The following TRPC5 variants were observed in gnomAD, a reference collection of about 807,000 sequenced individuals.
TRPC5 encodes short transient receptor potential channel 5.
Under a neutral mutation model 56.5 loss-of-function variants are expected in TRPC5, and 9 were observed. The ratio of observed to expected loss-of-function variants is 0.16; its 90% CI spans 0.10 to 0.28. TRPC5 has a LOEUF of 0.28. TRPC5 is among the 10% of genes least tolerant of loss of function. The pLI is 1.00. For missense variants in TRPC5, 469 were observed against 748.9 expected, an observed-to-expected ratio of 0.63 and a Z score of 4.36; for synonymous variants, 282 against 278.5, an observed-to-expected ratio of 1.01 and a Z score of -0.13.
At chrX:111,963,129 T>A (rs182777418) in intron 1 of TRPC5, among the ~76,000 whole-genome samples, 4 of 112,363 alleles carry the variant, frequency 3.6e-5, no homozygotes, top group Admixed American at 1.9e-4. Context: ...CCCACCCTAA[T>A]ACTGCGCTTT....
chrX:111,888,736 A>G (rs1924658590), intron 3 of TRPC5, among the ~76,000 whole-genome samples: 1 of 107,691 alleles, frequency 9.3e-6, no homozygotes, highest in African/African-American at 3.4e-5. Flanking sequence ...AAAGAAAAGA[A>G]AAGAGACTGT....
chrX:112,028,815 T>A (rs370378400), intron 1 of TRPC5, among the ~76,000 whole-genome samples: 8 of 111,986 alleles, frequency 7.1e-5, no homozygotes, highest in African/African-American at 2.6e-4. Flanking sequence ...TGGGTCAAAT[T>A]GTATTTCTAG....
intron 7 of TRPC5, among the ~76,000 whole-genome samples, chrX:111,826,094 T>C (rs1271892495): frequency 1.8e-5 from 2 of 112,328 alleles, no homozygotes; most frequent in Admixed American, 9.4e-5. Flanking sequence ...AGAGGTCAAG[T>C]TGCCGAAAAC....
At chrX:111,861,269 A>G (rs1923397197) in intron 3 of TRPC5, among the ~76,000 whole-genome samples, 1 of 112,006 alleles carries the variant, frequency 8.9e-6, no homozygotes, top group African/African-American at 3.2e-5. Flanking sequence ...ATTTTAAGAA[A>G]ACTTTGTGGT....
At chrX:111,860,744 C>G (rs1337232217) in intron 3 of TRPC5, among the ~76,000 whole-genome samples, 1 of 111,995 alleles carries the variant, frequency 8.9e-6, no homozygotes, top group Non-Finnish European at 1.9e-5. Context: ...AGTTTTGGAA[C>G]ATATGTTAAT....
intron 7 of TRPC5, among the ~76,000 whole-genome samples, chrX:111,829,854 T>G (rs1367101788): frequency 8.8e-6 from 1 of 113,094 alleles, no homozygotes; most frequent in Admixed American, 9.2e-5. Context: ...AGAAGGGAAA[T>G]GTGGGGTGGG....
intron 1 of TRPC5, among the ~76,000 whole-genome samples, chrX:111,993,552 C>T (rs1314692588): frequency 1.8e-5 from 2 of 112,306 alleles, no homozygotes; most frequent in Non-Finnish European, 3.8e-5. Context: ...TCCACATCCT[C>T]TCCAGCATCT....
At chrX:111,999,791 C>T (rs1928650081) in intron 1 of TRPC5, among the ~76,000 whole-genome samples, 1 of 111,083 alleles carries the variant, frequency 9.0e-6, no homozygotes, top group Admixed American at 9.6e-5. Flanking sequence ...CATGGCAAAA[C>T]CCCGTCTCTA....
intron 2 of TRPC5, among the ~76,000 whole-genome samples, chrX:111,926,361 A>G (rs780949782): frequency 3.6e-4 from 40 of 111,948 alleles, no homozygotes; most frequent in African/African-American, 1.3e-3. Context: ...ATTGTGCATT[A>G]TGATAACATC....
chrX:111,934,514 G>A (rs563354993), intron 2 of TRPC5, among the ~76,000 whole-genome samples: 1 of 110,724 alleles, frequency 9.0e-6, no homozygotes, highest in African/African-American at 3.3e-5. Flanking sequence ...AAAATGTACC[G>A]TAAAATATTT....
intron 1 of TRPC5, among the ~76,000 whole-genome samples, chrX:112,013,350 C>T (rs1028928601): frequency 1.5e-4 from 17 of 111,357 alleles, no homozygotes; most frequent in Non-Finnish European, 9.4e-5. Context: ...GGGGTTTCAC[C>T]GTGTTGGCCA....
intron 1 of TRPC5, among the ~76,000 whole-genome samples, chrX:112,011,973 G>T (rs935776104): frequency 1.8e-5 from 2 of 111,806 alleles, no homozygotes; most frequent in Admixed American, 1.9e-4. Context: ...AAATAAAATG[G>T]AACAATTATT....
chrX:111,936,347 T>C (rs1026616011), intron 2 of TRPC5, among the ~76,000 whole-genome samples: 13 of 110,975 alleles, frequency 1.2e-4, no homozygotes, highest in Non-Finnish European at 2.3e-4. Flanking sequence ...TTTTTTTTTC[T>C]TTTATTATTA....
intron 7 of TRPC5, among the ~76,000 whole-genome samples, chrX:111,790,703 T>C (rs889076477): frequency 2.7e-5 from 3 of 110,870 alleles, no homozygotes; most frequent in African/African-American, 9.8e-5. Flanking sequence ...AGGGACAGCC[T>C]GCAACAAATG....
intron 7 of TRPC5, among the ~76,000 whole-genome samples, chrX:111,816,002 C>G (rs1310878084): frequency 2.7e-5 from 3 of 111,204 alleles, no homozygotes; most frequent in Non-Finnish European, 3.8e-5. Flanking sequence ...AGTAGTCTTC[C>G]CAGCCTTTCC....
chrX:111,819,465 TG>T (rs1225726078), intron 7 of TRPC5, among the ~76,000 whole-genome samples: 1 of 111,445 alleles, frequency 9.0e-6, no homozygotes, highest in African/African-American at 3.3e-5. Flanking sequence ...ATCATTCTTT[TG>T]GCCTGTGTCT....
intron 1 of TRPC5, among the ~76,000 whole-genome samples, chrX:111,984,263 A>G (rs750748589): frequency 1.8e-5 from 2 of 111,829 alleles, no homozygotes; most frequent in Non-Finnish European, 3.8e-5. Context: ...TGACACTTGA[A>G]GCATCATTGG....
Position 111,884,841 on chromosome X carries a change from G to A in TRPC5, c.900+27450C>T, listed in dbSNP as rs1924398345. ...AGGGCATAAGTCTAGAGGAGACATAGAGTTTAGTTAAGGTATAACCTGGAC... is the reference window on the plus strand; with the variant it reads ...AGGGCATAAGTCTAGAGGAGACATAAAGTTTAGTTAAGGTATAACCTGGAC... On this transcript the variant is annotated intron_variant, in intron 3 of 10. Transcript: ENST00000262839. Among the ~76,000 whole-genome samples, 2 of 112,846 alleles carry A rather than the reference G, an allele frequency of 1.8e-5. 1 individual carries two copies. The highest frequency in any genetic ancestry group is 6.4e-5 in the African/African-American group (2 of 31,124).
In TRPC5 at chrX:111,784,666, A is replaced by C. The variant is rs946376451; in HGVS notation, c.1897-2528T>G. Among the ~76,000 whole-genome samples, 3 of 112,272 alleles carry C rather than the reference A, an allele frequency of 2.7e-5. No homozygotes were observed. In the Admixed American group the frequency reaches 2.8e-4, roughly 11 times the overall value. Reference sequence around the variant, plus strand: ...AGGGGTTGGGGGATTTCCCTTTCCTAGCCAAGGGAAGCCATGAAAGACTAT... The same window carrying C: ...AGGGGTTGGGGGATTTCCCTTTCCTCGCCAAGGGAAGCCATGAAAGACTAT... On this transcript the variant is annotated intron_variant, in intron 7 of 10. Coordinates refer to ENST00000262839, the MANE Select transcript of TRPC5 (RefSeq NM_012471.3).
Sources: gnomAD v4.1 joint callset for allele counts (sites outside exome capture counted in the v4.1 genomes callset) on GRCh38, gnomAD v4.1.1 for gene constraint, MANE v1.5 for transcripts, NCBI Gene and HGNC (gene_info 2026-07-23, HGNC 2026-07-21) for gene names.